LAMA5: variants seen among roughly 807,000 people sequenced by gnomAD.
LAMA5 encodes laminin subunit alpha 5.
Under a neutral mutation model 433.4 loss-of-function variants are expected in LAMA5, and 260 were observed. The ratio of observed to expected loss-of-function variants is 0.60; its 90% CI spans 0.54 to 0.66. LAMA5 has a LOEUF of 0.66. LAMA5 is among the 30% of genes least tolerant of loss of function. The pLI, the probability that LAMA5 is intolerant of heterozygous loss-of-function variation, is 0.00. For synonymous variants in LAMA5, 2,620 were observed against 2,226.6 expected (o/e 1.18, Z -4.97); for missense variants, 5,378 against 5,258.5 (o/e 1.02, Z -0.70).
At chr20:62,325,572 T>A in intron 40 of LAMA5, 26 bp from the exon 41 acceptor site, 1 of 1,484,990 alleles carries the variant, frequency 6.7e-7, no homozygotes, top group Non-Finnish European at 9.3e-7. Flanking sequence ...GGCACCTCAG[T>A]GGGGCCACAC....
intron 57 of LAMA5, 98 bp from the exon 58 acceptor site, chr20:62,316,156 C>G (rs1420125658): frequency 1.3e-6 from 1 of 783,740 alleles, no homozygotes; most frequent in African/African-American, 1.7e-5. Context: ...CCAAGGCTGA[C>G]ACACAGCAGA....
chr20:62,337,154 C>T lies in LAMA5; in HGVS notation c.2165-368G>A, dbSNP rs1981778506. Among the ~76,000 whole-genome samples the T allele has an allele frequency of 2.0e-5, 3 of 152,192 alleles. No individual in the cohort carries two copies. The South Asian group carries it at 6.2e-4, about 31-fold the overall frequency. Reference sequence around the variant, plus strand: ...CCGTGAAAGGACATGAACACGCACACCCACACTTGAGACACGCGATACGCG... The same window carrying T: ...CCGTGAAAGGACATGAACACGCACATCCACACTTGAGACACGCGATACGCG... On this transcript the variant is annotated intron_variant, in intron 16 of 79. Transcript: ENST00000252999.
intron 20 of LAMA5, 33 bp downstream of exon 20, chr20:62,334,988 G>A (rs1159030116): frequency 8.8e-6 from 14 of 1,588,676 alleles, no homozygotes; most frequent in Non-Finnish European, 1.2e-5. Flanking sequence ...GGGAGGCAGG[G>A]CTGTGGTCTG....
rs1985754435 is a variant in LAMA5, at chr20:62,359,735, G to A, written c.450+2665C>T. 1.3e-5 allele frequency among the ~76,000 whole-genome samples: 2 copies of A among 152,114 alleles called. No individual in the cohort carries two copies. The highest frequency in any genetic ancestry group is 2.1e-4 in the South Asian group (1 of 4,810). On this transcript the variant is annotated intron_variant, in intron 2 of 79. Transcript: ENST00000252999. This position sits in a 1 kb window ranked among gnomAD's most constrained non-coding sequence, Gnocchi z 4.3. The stretch of plus-strand genomic sequence containing the variant: ...CCACGGCTGGGCGCAGCGGGACCCA[G>A]GCCAGGAGCCCAGCTGGCACTCCCG...
rs776651729 is a variant in LAMA5 at position 62,310,757 on chromosome 20, GC to G, written c.10353del (p.Pro3452ArgfsTer32). 6.4e-7 allele frequency: 1 copy of G among 1,566,694 alleles called. No individual in the cohort carries two copies. Among genetic ancestry groups the G allele is most frequent in the Non-Finnish European group, 8.6e-7 (1 of 1,158,272 alleles). On this transcript the variant is annotated frameshift_variant, in exon 75 of 80. Coordinates refer to ENST00000252999, the MANE Select transcript of LAMA5 (RefSeq NM_005560.6). LOFTEE classifies it high-confidence loss of function. ...TCTGCCCCCTGGTGCTGCCGGTGCG[GC>G]CCCTCCTGGCTCCAGGCCCGGGCCC... Reference protein sequence around the residue: ...TDGARAWSQEGPHRQHQGAEH... With the variant: ...TDGARAWSQEXPHRQHQGAEH...
intron 1 of LAMA5, among the ~76,000 whole-genome samples, chr20:62,366,553 CCA>C (rs1986749190): frequency 6.6e-6 from 1 of 152,234 alleles, no homozygotes; most frequent in South Asian, 2.1e-4. Flanking sequence ...CCAACAGGTT[CCA>C]GCCTGTCCCG....
chr20:62,325,666 A>T (rs1979169092), intron 40 of LAMA5, 120 bp from the exon 41 acceptor site: 1 of 612,710 alleles, frequency 1.6e-6, no homozygotes. Context: ...GGGCAGGAGG[A>T]GGTACACACA....
chr20:62,351,391 G>A (rs1984264467), intron 6 of LAMA5: 1 of 517,066 alleles, frequency 1.9e-6, no homozygotes. Flanking sequence ...GGCCCCAGGT[G>A]TCCACTATGG....
intron 62 of LAMA5, 93 bp from the exon 63 acceptor site, chr20:62,313,895 A>C: frequency 9.4e-7 from 1 of 1,061,190 alleles, no homozygotes; most frequent in Non-Finnish European, 1.3e-6. Flanking sequence ...GTGGGCACGG[A>C]GAGATGAGGG....
chr20:62,329,626 G>A (rs941207297), intron 32 of LAMA5, 151 bp downstream of exon 32: 15 of 950,678 alleles, frequency 1.6e-5, no homozygotes, highest in African/African-American at 4.9e-5. Flanking sequence ...AAGGTGGATC[G>A]GGAGGTCCCC....
intron 1 of LAMA5, 130 bp from the exon 2 acceptor site, chr20:62,362,682 C>A (rs1031457547): frequency 1.6e-5 from 12 of 747,834 alleles, no homozygotes; most frequent in Middle Eastern, 4.1e-4. Context: ...CTCTGCGCCC[C>A]TCATCCACTT....
At position 62,317,749 on chromosome 20, in the gene LAMA5, A is replaced by T; in HGVS notation, c.7269T>A (p.Asn2423Lys). ...LQRKQELSRDNATLQATLHAA... is the reference protein window; with the variant it reads ...LQRKQELSRDKATLQATLHAA... Reference sequence around the variant, plus strand: ...CATGCAGAGTGGCCTGCAGGGTGGCATTGTCCCGGGACAGCTCCTGCTTCC... The same window carrying T: ...CATGCAGAGTGGCCTGCAGGGTGGCTTTGTCCCGGGACAGCTCCTGCTTCC... The change falls in exon 54 of 80, where the codon AAT becomes AAA. Residue 2423 changes from asparagine (N) to lysine (K), a missense_variant. Transcript: ENST00000252999. 6.2e-7 allele frequency: 1 copy of T among 1,606,796 alleles called. No individual in the cohort carries two copies. The highest frequency in any genetic ancestry group is 8.5e-7 in the Non-Finnish European group (1 of 1,177,616).
rs537578631 is a variant in LAMA5 at position 62,353,272 on chromosome 20, AG to A, written c.451-22del. On this transcript the variant is annotated intron_variant, in intron 2 of 79. Coordinates refer to ENST00000252999, the MANE Select transcript of LAMA5 (RefSeq NM_005560.6). ...AAGACCTGTGGGCCGAGAGGGCGTC[AG>A]GGGAGCCAGGGGCGCCTGGATTCCC... 1.2e-3 allele frequency: 1,858 copies of A among 1,525,278 alleles called. 5 individuals carry two copies. Among genetic ancestry groups the A allele is most frequent in the Non-Finnish European group, 9.9e-4 (1,103 of 1,114,926 alleles). The allele number at this position is 1,525,278 out of a possible 1,614,324, so 94.5% of individuals were successfully genotyped here.
In LAMA5 at chr20:62,322,038, G is replaced by A. The variant is rs1987869130; in HGVS notation, c.6477C>T (p.Gly2159=). ...ACACACCTTCACAGTGGATGCTGTG[G>A]CCCACAGGCCCGCCTGGAACAGGCA... ...HQVPVPGGPV[G]HSIHCEVCDH... is the part of the protein sequence containing the mutation. The change falls in exon 48 of 80, where the codon GGC becomes GGT. Residue 2159 remains glycine, a synonymous_variant. Coordinates refer to ENST00000252999, the MANE Select transcript of LAMA5 (RefSeq NM_005560.6). 1.9e-6 allele frequency: 3 copies of A among 1,598,972 alleles called. No individual in the cohort carries two copies. Among genetic ancestry groups the A allele is most frequent in the East Asian group, 4.5e-5 (2 of 44,846 alleles).
Position 62,317,386 on chromosome 20 carries a change from G to T in LAMA5, c.7470C>A (p.Ala2490=), listed in dbSNP as rs1414294748. The T allele has an allele frequency of 1.9e-6, 3 of 1,609,566 alleles. No individual in the cohort carries two copies. The highest frequency in any genetic ancestry group is 2.5e-6 in the Non-Finnish European group (3 of 1,179,088). The change falls in exon 55 of 80, where the codon GCC becomes GCA. Residue 2490 remains alanine, a synonymous_variant. Coordinates refer to ENST00000252999, the MANE Select transcript of LAMA5 (RefSeq NM_005560.6). ...SKLRLVEAAE[A]HAQQLGQLAL... ...CCAGCTGGCCCAGCTGCTGTGCGTG[G>T]GCCTCGGCGGCCTCCACTAGACGCA...
intron 23 of LAMA5, 72 bp from the exon 24 acceptor site, chr20:62,333,778 T>C (rs1010475826): frequency 7.4e-6 from 11 of 1,476,878 alleles, no homozygotes; most frequent in Non-Finnish European, 9.9e-6. Flanking sequence ...CCCTACAGGG[T>C]TGGGGATAGG....
Position 62,315,328 on chromosome 20 carries a change from C to T in LAMA5, c.7868-121G>A, listed in dbSNP as rs937791831. ...CCAACCCCCTATGGATCGTGTGAGA[C>T]CCTCACACCCCGCTGCTCAGTGCAA... On this transcript the variant is annotated intron_variant, in intron 58 of 79. Transcript: ENST00000252999. 7.7e-6 allele frequency: 6 copies of T among 776,326 alleles called. No homozygotes were observed. In the African/African-American group the frequency reaches 1.0e-4, roughly 14 times the overall value. The allele number at this position is 776,326 out of a possible 1,614,324, so 48.1% of individuals were successfully genotyped here. A position where few individuals can be genotyped will look rare whatever the true frequency, so the allele number is the denominator to read the frequency against.
At chr20:62,366,922 A>G (rs1239041164) in intron 1 of LAMA5, 27 bp downstream of exon 1, 1 of 1,248,034 alleles carries the variant, frequency 8.0e-7, no homozygotes, top group Non-Finnish European at 1.0e-6. Flanking sequence ...CCCGGGAGGA[A>G]GCCCCACGGC....
rs549420425 is a variant in LAMA5, at chr20:62,327,560, C to T, written c.4907G>A (p.Arg1636His). 2.9e-5 allele frequency: 47 copies of T among 1,612,834 alleles called. No individual in the cohort carries two copies. The highest frequency in any genetic ancestry group is 1.6e-4 in the Middle Eastern group (1 of 6,062). ...GCGGGTGTAGGACGAGCTCCGGCAG[C>T]GCTCCGTGGCCCCAAAGCAGAAGCA... ...TRCFCFGATE[R>H]CRSSSYTRQE... is the part of the protein sequence containing the mutation. The change falls in exon 37 of 80, where the codon CGC (arginine) becomes CAC (histidine). Residue 1636 changes from arginine (R) to histidine (H), a missense_variant. Transcript: ENST00000252999.
Sources: allele counts gnomAD v4.1 joint callset (sites outside exome capture counted in the v4.1 genomes callset), GRCh38; gene constraint gnomAD v4.1.1; non-coding constraint Gnocchi (gnomAD v3.1); transcripts MANE v1.5; gene names NCBI Gene and HGNC (gene_info 2026-07-23, HGNC 2026-07-21).